The following GSN variants were observed in gnomAD, a reference collection of about 807,000 sequenced individuals.
GSN encodes gelsolin, also known as actin-depolymerizing factor.
A neutral mutation model predicts 85.7 loss-of-function variants in GSN; 56 were observed. The observed-to-expected ratio is 0.65, with a 90% CI of 0.53 to 0.82. The LOEUF (loss-of-function observed/expected upper bound fraction) is 0.82. Among genes scored for constraint, GSN ranks in the 40% least tolerant of loss-of-function variants. GSN has a pLI of 0.00. For missense variants in GSN, 857 were observed against 979.8 expected (o/e 0.87, Z 1.67); for synonymous variants, 373 against 399.1 (o/e 0.93, Z 0.78).
At chr9:121,316,971 C>G in intron 7 of GSN, 115 bp from the exon 8 acceptor site, 1 of 1,310,796 alleles carries the variant, frequency 7.6e-7, no homozygotes, top group Non-Finnish European at 1.1e-6. Flanking sequence ...AGAGGAAGCC[C>G]AGGTGTTACT....
At chr9:121,259,483 C>T (rs1382948229) in intron 6 of GSN, among the ~76,000 whole-genome samples, 4 of 152,234 alleles carry the variant, frequency 2.6e-5, no homozygotes, top group African/African-American at 4.8e-5. Flanking sequence ...TATTAGGACA[C>T]GCAGTCCCAA....
intron 4 of GSN, among the ~76,000 whole-genome samples, chr9:121,224,136 G>A (rs1160740617): frequency 1.3e-5 from 2 of 151,458 alleles, no homozygotes; most frequent in Admixed American, 6.6e-5. Context: ...TTGCTTTGTC[G>A]CCCAGGCTGG....
Position 121,318,662 on chromosome 9 carries a change from C to A in GSN, c.976-3C>A. On this transcript the variant is annotated splice_polypyrimidine_tract_variant and splice_region_variant and intron_variant, in intron 9 of 17. Transcript: ENST00000432226. This position sits in a 1 kb window ranked among gnomAD's most constrained non-coding sequence, Gnocchi z 4.3. Reference sequence around the variant, plus strand: ...ATCCTGCTCCTCTGCCTCCCCTCCCCAGGTCTCGGTCCTTCCTGAGGGCGG... The same window carrying A: ...ATCCTGCTCCTCTGCCTCCCCTCCCAAGGTCTCGGTCCTTCCTGAGGGCGG... 1 of 1,608,356 alleles carries A rather than the reference C, an allele frequency of 6.2e-7. No homozygotes were observed. Among genetic ancestry groups the A allele is most frequent in the Non-Finnish European group, 8.5e-7 (1 of 1,174,712 alleles).
Position 121,326,325 on chromosome 9 carries a change from G to T in GSN, c.1417-187G>T, listed in dbSNP as rs547217958. The stretch of plus-strand genomic sequence containing the variant: ...CAGCAGCAGTGCCCTGGGGACCTCA[G>T]ACAATAGCACTGTCTCCACCCTTCC... On this transcript the variant is annotated intron_variant, in intron 12 of 17. Transcript: ENST00000432226. Among the ~76,000 whole-genome samples the T allele has an allele frequency of 3.3e-5, 5 of 152,128 alleles. No individual in the cohort carries two copies. In the East Asian group the frequency reaches 9.7e-4, roughly 29 times the overall value.
rs985180299 is a variant in GSN at position 121,301,857 on chromosome 9, G to A, written c.-9-106G>A. On this transcript the variant is annotated intron_variant, in intron 2 of 17. Coordinates refer to ENST00000432226, the MANE Select transcript of GSN (RefSeq NM_198252.3). ...TCCCTGGGGCGTGGGGAGAGCAGGA[G>A]GCTCAAGTGAGATGCTCTTGGTGCT... The A allele has an allele frequency of 3.8e-6, 6 of 1,580,988 alleles. No homozygotes were observed. The East Asian group carries it at 1.1e-4, about 30-fold the overall frequency.
chr9:121,239,248 A>C, intron 5 of GSN: 1 of 368,902 alleles, frequency 2.7e-6, no homozygotes, highest in Non-Finnish European at 5.3e-6. Context: ...ATCTGTTAGG[A>C]TAACCAATAC....
intron 2 of GSN, among the ~76,000 whole-genome samples, chr9:121,290,940 G>A (rs2058623393): frequency 6.6e-6 from 1 of 151,876 alleles, no homozygotes; most frequent in Non-Finnish European, 1.5e-5. Context: ...GCCTCCCAAA[G>A]TGCTGGGATT....
intron 4 of GSN, among the ~76,000 whole-genome samples, chr9:121,306,020 A>G (rs1451121566): frequency 2.6e-5 from 4 of 152,190 alleles, no homozygotes; most frequent in South Asian, 2.1e-4. Context: ...CTCTTGTTCT[A>G]TGACCCCCAA....
At chr9:121,216,629 A>G (rs1037997565) in intron 4 of GSN, among the ~76,000 whole-genome samples, 2 of 152,034 alleles carry the variant, frequency 1.3e-5, no homozygotes, top group African/African-American at 4.8e-5. Context: ...TCCTACCCCC[A>G]GGTTCCGTAG....
At position 121,302,158 on chromosome 9, in the gene GSN, T is replaced by TA. The variant is rs2059945135; in HGVS notation, c.188dup (p.Tyr63Ter). Reference protein sequence around the residue: ...RNGNLQYDLHYWLGNECSQDE... With the variant: ...RNGNLQYDLH Reference sequence around the variant, plus strand: ...CGGAAATCTGCAGTATGACCTCCACTACTGGCTGGGTGAGGCTGGCCCTGC... The same window carrying TA: ...CGGAAATCTGCAGTATGACCTCCACTAACTGGCTGGGTGAGGCTGGCCCTGC... Residue 63 changes from tyrosine to a stop codon, truncating the protein, a stop_gained and frameshift_variant, in exon 3 of 18, where the codon TAC becomes TAAC. Transcript: ENST00000432226. LOFTEE classifies it high-confidence loss of function. The TA allele has an allele frequency of 6.2e-7, 1 of 1,613,748 alleles. No homozygotes were observed. Among genetic ancestry groups the TA allele is most frequent in the Non-Finnish European group, 8.5e-7 (1 of 1,179,952 alleles).
intron 4 of GSN, among the ~76,000 whole-genome samples, chr9:121,230,766 A>G (rs1228379765): frequency 6.6e-6 from 1 of 152,172 alleles, no homozygotes; most frequent in Admixed American, 6.5e-5. Context: ...TACCTTTACC[A>G]TCAGTGCCGT....
intron 2 of GSN, among the ~76,000 whole-genome samples, chr9:121,298,997 T>C (rs112420304): frequency 6.6e-6 from 1 of 152,104 alleles, no homozygotes; most frequent in African/African-American, 2.4e-5. Context: ...ACAAAACAAC[T>C]TCAGGAAGTA....
chr9:121,310,061 GAAA>G (rs769786648), intron 4 of GSN: 6 of 152,260 alleles, frequency 3.9e-5, no homozygotes, highest in East Asian at 3.9e-4. Flanking sequence ...ATGAAAGAAA[GAAA>G]AAAAGAAAGG....
intron 5 of GSN, among the ~76,000 whole-genome samples, chr9:121,232,407 G>A (rs2054408120): frequency 6.6e-6 from 1 of 152,216 alleles, no homozygotes; most frequent in Admixed American, 6.5e-5. Flanking sequence ...TATCTGGTGG[G>A]GCTGGTTAGT....
intron 2 of GSN, among the ~76,000 whole-genome samples, chr9:121,300,582 C>A (rs540916399): frequency 6.6e-6 from 1 of 152,104 alleles, no homozygotes; most frequent in East Asian, 1.9e-4. Context: ...ATCTCTTCTC[C>A]GGCCAGAGGT....
In GSN at chr9:121,312,332, C is replaced by T; in HGVS notation, c.514-7C>T. On this transcript the variant is annotated splice_region_variant and splice_polypyrimidine_tract_variant and intron_variant, in intron 5 of 17. Coordinates refer to ENST00000432226, the MANE Select transcript of GSN (RefSeq NM_198252.3). ...GGGCACTGACTTCCTGGGTCTCTGT[C>T]TTCCAGAACATCCACCAGTGGTGTG... 1 of 1,614,068 alleles carries T rather than the reference C, an allele frequency of 6.2e-7. No homozygotes were observed. Among genetic ancestry groups the T allele is most frequent in the African/African-American group, 1.3e-5 (1 of 75,076 alleles).
intron 4 of GSN, among the ~76,000 whole-genome samples, chr9:121,215,289 A>G (rs542867856): frequency 6.6e-6 from 1 of 151,690 alleles, no homozygotes; most frequent in Non-Finnish European, 1.5e-5. Flanking sequence ...CTCATTTCCA[A>G]AAAAGATCAG....
intron 6 of GSN, among the ~76,000 whole-genome samples, chr9:121,257,487 T>C (rs1385078017): frequency 6.6e-6 from 1 of 152,212 alleles, no homozygotes; most frequent in East Asian, 1.9e-4. Flanking sequence ...CCTGTACTCT[T>C]ACTTGCTAGA....
At chr9:121,286,327 A>T in intron 2 of GSN, 1 of 638,686 alleles carries the variant, frequency 1.6e-6, no homozygotes, top group Admixed American at 2.9e-5. Flanking sequence ...TTCCAATTCT[A>T]TTCTCTCCCT....
Sources: allele counts gnomAD v4.1 joint callset (sites outside exome capture counted in the v4.1 genomes callset), GRCh38; gene constraint gnomAD v4.1.1; non-coding constraint Gnocchi (gnomAD v3.1); transcripts MANE v1.5; gene names NCBI Gene and HGNC (gene_info 2026-07-23, HGNC 2026-07-21).